Variants in PTPRD observed in about 807,000 individuals in gnomAD.
The protein encoded by PTPRD is receptor-type tyrosine-protein phosphatase delta.
A neutral mutation model predicts 214.5 loss-of-function variants in PTPRD; 34 were observed. The observed-to-expected ratio is 0.16, with a 90% CI of 0.12 to 0.21. PTPRD has a LOEUF of 0.21. PTPRD is among the 10% of genes least tolerant of loss of function. The probability of loss-of-function intolerance (pLI) is 1.00; values close to 1 mark genes in which losing one functional copy is unlikely to be tolerated. For missense variants in PTPRD, 2,545 were observed against 2,398.7 expected (o/e 1.06, Z -1.27); for synonymous variants, 1,128 against 845.7 (o/e 1.33, Z -5.79).
At chr9:9,196,692 T>C (rs36017154) in intron 9 of PTPRD, among the ~76,000 whole-genome samples, 21,311 of 152,230 alleles carry the variant, frequency 0.14, 1,569 homozygotes, top group African/African-American at 0.18. Flanking sequence ...GCAAAACATC[T>C]AGCATATTTC....
chr9:9,069,480 G>T (rs761896339), intron 10 of PTPRD, among the ~76,000 whole-genome samples: 12 of 152,162 alleles, frequency 7.9e-5, no homozygotes, highest in Non-Finnish European at 1.2e-4. Context: ...TAAACTTAAA[G>T]CATTACTGAC....
chr9:10,465,020 A>C (rs1213542416), intron 2 of PTPRD, among the ~76,000 whole-genome samples: 1 of 152,222 alleles, frequency 6.6e-6, no homozygotes, highest in African/African-American at 2.4e-5. Context: ...ATTATAGGGA[A>C]TCCTGCTAAT....
At chr9:10,568,097 C>G (rs1238320914) in intron 2 of PTPRD, among the ~76,000 whole-genome samples, 1 of 150,924 alleles carries the variant, frequency 6.6e-6, no homozygotes, top group African/African-American at 2.4e-5. Context: ...GGTATATCTC[C>G]TAATGCTACC....
intron 5 of PTPRD, among the ~76,000 whole-genome samples, chr9:9,879,838 C>A (rs1348520339): frequency 6.6e-6 from 1 of 152,092 alleles, no homozygotes; most frequent in Admixed American, 6.6e-5. Flanking sequence ...ATTTCCAGTT[C>A]GTCTTGCTTC....
chr9:8,493,778 T>C (rs1161157822), intron 26 of PTPRD, among the ~76,000 whole-genome samples: 2 of 152,192 alleles, frequency 1.3e-5, no homozygotes, highest in African/African-American at 4.8e-5. Flanking sequence ...AAATATCACA[T>C]ACTATTTACC....
intron 4 of PTPRD, among the ~76,000 whole-genome samples, chr9:10,016,463 TG>T (rs1387768819): frequency 6.6e-6 from 1 of 152,098 alleles, no homozygotes; most frequent in Non-Finnish European, 1.5e-5. Flanking sequence ...TGATGGTGTC[TG>T]TAAATCATCA....
intron 2 of PTPRD, among the ~76,000 whole-genome samples, chr9:10,367,380 G>A (rs557461491): frequency 9.5e-4 from 145 of 152,190 alleles, no homozygotes; most frequent in Non-Finnish European, 1.8e-3. Context: ...AATCATAAAA[G>A]GAAGAGTTCT....
chr9:9,047,446 G>A (rs2099675002), intron 10 of PTPRD, among the ~76,000 whole-genome samples: 1 of 151,982 alleles, frequency 6.6e-6, no homozygotes, highest in African/African-American at 2.4e-5. Flanking sequence ...AATAGTCAAA[G>A]CTATCCTAAG....
At chr9:8,383,989 T>A (rs1400251666) in intron 37 of PTPRD, among the ~76,000 whole-genome samples, 1 of 152,094 alleles carries the variant, frequency 6.6e-6, no homozygotes, top group Non-Finnish European at 1.5e-5. Context: ...TATTTCAAGA[T>A]GGGAGACAGA....
chr9:9,525,991 G>C (rs1039213633), intron 8 of PTPRD, among the ~76,000 whole-genome samples: 16 of 152,066 alleles, frequency 1.1e-4, no homozygotes, highest in African/African-American at 3.9e-4. Context: ...TGTGAGAATA[G>C]CATCTTAAGT....
At chr9:10,087,601 C>T (rs953724799) in intron 3 of PTPRD, among the ~76,000 whole-genome samples, 5 of 151,576 alleles carry the variant, frequency 3.3e-5, no homozygotes, top group South Asian at 2.1e-4. Context: ...ACTGATCTTC[C>T]GGAGTGCTAT....
intron 4 of PTPRD, among the ~76,000 whole-genome samples, chr9:10,030,871 T>G (rs1455479579): frequency 6.6e-6 from 1 of 152,200 alleles, no homozygotes; most frequent in East Asian, 1.9e-4. Context: ...ACCTTGAACT[T>G]TGAGTACAAA....
chr9:10,259,919 A>C (rs2093582369), intron 3 of PTPRD, among the ~76,000 whole-genome samples: 1 of 152,080 alleles, frequency 6.6e-6, no homozygotes, highest in Non-Finnish European at 1.5e-5. Context: ...ACCAGAGTGG[A>C]TATGCACAAG....
chr9:9,174,422 G>T (rs541255972), intron 10 of PTPRD, among the ~76,000 whole-genome samples: 6 of 152,046 alleles, frequency 3.9e-5, no homozygotes, highest in Non-Finnish European at 7.4e-5. Context: ...TTTAATCAAG[G>T]TAAATCATTT....
chr9:8,726,508 G>A, intron 12 of PTPRD, among the ~76,000 whole-genome samples: 1 of 141,542 alleles, frequency 7.1e-6, no homozygotes, highest in Admixed American at 7.4e-5. Flanking sequence ...GAGGCAGGTG[G>A]ATCCCCTGAA....
chr9:8,608,381 T>G lies in PTPRD; in HGVS notation c.352+24936A>C, dbSNP rs2175595. On this transcript the variant is annotated intron_variant, in intron 14 of 45. Coordinates refer to ENST00000381196, the MANE Select transcript of PTPRD (RefSeq NM_002839.4). ...CATATGGTATTCCTAATAAAGAGATTAGATAGGAAGAACGAGAGGTATTTC... is the reference window on the plus strand; with the variant it reads ...CATATGGTATTCCTAATAAAGAGATGAGATAGGAAGAACGAGAGGTATTTC... Among the ~76,000 whole-genome samples, 3 of 152,162 alleles carry G rather than the reference T, an allele frequency of 2.0e-5. No individual in the cohort carries two copies. In the East Asian group the frequency reaches 5.8e-4, roughly 29 times the overall value.
intron 36 of PTPRD, among the ~76,000 whole-genome samples, chr9:8,400,322 A>AAT (rs1357375552): frequency 6.6e-6 from 1 of 152,176 alleles, no homozygotes; most frequent in East Asian, 1.9e-4. Context: ...TACATACAAC[A>AAT]ATATTTAAGG....
intron 3 of PTPRD, among the ~76,000 whole-genome samples, chr9:10,149,489 T>C (rs34964873): frequency 0.11 from 17,121 of 152,182 alleles, 1,083 homozygotes; most frequent in Admixed American, 0.17. Context: ...GAATAGCAGA[T>C]GGTACATTTA....
intron 12 of PTPRD, among the ~76,000 whole-genome samples, chr9:8,672,617 A>AGTTAGCAAGGAACATGTAACATACCT (rs2097308589): frequency 6.6e-6 from 1 of 152,148 alleles, no homozygotes; most frequent in Admixed American, 6.5e-5. Context: ...GAAATTGAAT[A>AGTTAGCAAGGAACATGTAACATACCT]TCCTCTAATG....
Sources: gnomAD v4.1 joint callset for allele counts (sites outside exome capture counted in the v4.1 genomes callset) on GRCh38, gnomAD v4.1.1 for gene constraint, MANE v1.5 for transcripts, NCBI Gene and HGNC (gene_info 2026-07-23, HGNC 2026-07-21) for gene names.